The following ZNF737 variants were observed in gnomAD, a reference collection of about 807,000 sequenced individuals.
The protein encoded by ZNF737 is zinc finger protein 737, also known as zinc finger protein 102 (Y3).
A neutral mutation model predicts 11.7 loss-of-function variants in ZNF737; 13 were observed. The ratio of observed to expected loss-of-function variants is 1.11; its 90% CI spans 0.73 to 1.77. The LOEUF is 1.77. Ranked by LOEUF, ZNF737 falls within the 40% of genes most tolerant of loss-of-function variation. The pLI is 0.00. For synonymous variants in ZNF737, 217 were observed against 216.2 expected (o/e 1.00, Z -0.03); for missense variants, 636 against 638.0 (o/e 1.00, Z 0.03).
In ZNF737 at chr19:20,539,413, C is replaced by G; in HGVS notation, c.*5179G>C. Reference sequence around the variant, plus strand: ...CAAAAGGTCAAAAACAATCATTGAGCAAAGCTTAAATCTTGCCTTTGTTTC... The same window carrying G: ...CAAAAGGTCAAAAACAATCATTGAGGAAAGCTTAAATCTTGCCTTTGTTTC... On this transcript the variant is annotated 3_prime_UTR_variant, in exon 4 of 4. Coordinates refer to ENST00000427401, the MANE Select transcript of ZNF737 (RefSeq NM_001159293.2). The G allele has an allele frequency of 1.0e-6, 1 of 985,402 alleles. No individual in the cohort carries two copies. Among genetic ancestry groups the G allele is most frequent in the Non-Finnish European group, 1.2e-6 (1 of 829,912 alleles). The allele number at this position is 985,402 out of a possible 1,614,324, so 61.0% of individuals were successfully genotyped here. A position where few individuals can be genotyped will look rare whatever the true frequency, so the allele number is the denominator to read the frequency against.
rs114169764 is a variant in ZNF737, at chr19:20,542,176, G to C, written c.*2416C>G. 3.0e-6 allele frequency: 3 copies of C among 984,554 alleles called. No homozygotes were observed. The highest frequency in any genetic ancestry group is 1.2e-6 in the Non-Finnish European group (1 of 829,434). 61.0% of individuals were successfully genotyped at this position (984,554 alleles called of 1,614,324 possible). On this transcript the variant is annotated 3_prime_UTR_variant, in exon 4 of 4. Transcript: ENST00000427401. ...CACAATAATGGTTCATTAAACGCACGGTAGTCTTACCATGGTAAAAATAAA... is the reference window on the plus strand; with the variant it reads ...CACAATAATGGTTCATTAAACGCACCGTAGTCTTACCATGGTAAAAATAAA...
At position 20,541,269 on chromosome 19, in the gene ZNF737, ACACT is replaced by A. The variant is rs1484689569; in HGVS notation, c.*3319_*3322del. 16 of 984,662 alleles carry A rather than the reference ACACT, an allele frequency of 1.6e-5. 1 individual carries two copies. The highest frequency in any genetic ancestry group is 3.5e-5 in the African/African-American group (2 of 57,348). The allele number at this position is 984,662 out of a possible 1,614,324, so 61.0% of individuals were successfully genotyped here. On this transcript the variant is annotated 3_prime_UTR_variant, in exon 4 of 4. Coordinates refer to ENST00000427401, the MANE Select transcript of ZNF737 (RefSeq NM_001159293.2). The stretch of plus-strand genomic sequence containing the variant: ...TGTACAAACCTATACTCACACAAAA[ACACT>A]CAATTCATAATTTTCTTACACCTCA...
rs1350416491 is a variant in ZNF737, at chr19:20,543,930, C to A, written c.*662G>T. ...ATCACCTGAGGTCAGGAGTTCGAGACCAGCCTGGCAAACATGGCGAAGTCG... is the reference window on the plus strand; with the variant it reads ...ATCACCTGAGGTCAGGAGTTCGAGAACAGCCTGGCAAACATGGCGAAGTCG... On this transcript the variant is annotated 3_prime_UTR_variant, in exon 4 of 4. Transcript: ENST00000427401. The A allele has an allele frequency of 2.5e-6, 2 of 791,988 alleles. No individual in the cohort carries two copies. The highest frequency in any genetic ancestry group is 1.9e-5 in the African/African-American group (1 of 52,790). 49.1% of individuals were successfully genotyped at this position (791,988 alleles called of 1,614,324 possible).
intron 1 of ZNF737, among the ~76,000 whole-genome samples, chr19:20,556,918 C>CTAA (rs1196870409): frequency 2.0e-5 from 3 of 152,122 alleles, no homozygotes; most frequent in East Asian, 3.8e-4. Flanking sequence ...GGAGCTGGTA[C>CTAA]TAAGGGTTTA....
chr19:20,537,927 A>T, downstream of ZNF737: 1 of 345,396 alleles, frequency 2.9e-6, no homozygotes, highest in Non-Finnish European at 4.1e-6. Context: ...GAATATTAAA[A>T]TTTTTCATGA....
Position 20,541,327 on chromosome 19 carries a change from T to A in ZNF737, c.*3265A>T, listed in dbSNP as rs181218816. 162 of 983,532 alleles carry A rather than the reference T, an allele frequency of 1.6e-4. 1 individual carries two copies. Among genetic ancestry groups the A allele is most frequent in the East Asian group, 2.3e-4 (2 of 8,808 alleles). The allele number at this position is 983,532 out of a possible 1,614,324, so 60.9% of individuals were successfully genotyped here. A position where few individuals can be genotyped will look rare whatever the true frequency, so the allele number is the denominator to read the frequency against. On this transcript the variant is annotated 3_prime_UTR_variant, in exon 4 of 4. Transcript: ENST00000427401. ...TTATCTTCAGAGTAATATGTGTATA[T>A]TTAACTCTATGTAAATTAAAACTAA... is the stretch of plus-strand genomic sequence containing the variant.
chr19:20,538,436 T>C lies in ZNF737; in HGVS notation c.*6156A>G, dbSNP rs1162863341. 6.6e-6 allele frequency among the ~76,000 whole-genome samples: 1 copy of C among 152,204 alleles called. No individual in the cohort carries two copies. Among genetic ancestry groups the C allele is most frequent in the Non-Finnish European group, 1.5e-5 (1 of 68,050 alleles). On this transcript the variant is annotated 3_prime_UTR_variant, in exon 4 of 4. Coordinates refer to ENST00000427401, the MANE Select transcript of ZNF737 (RefSeq NM_001159293.2). ...TCTAAGTTGCTAAACAATTGGGACA[T>C]ACAGAATGTGAGGTCCCATTCCAGC...
At chr19:20,553,586 T>G (rs1555759396) in intron 2 of ZNF737, 123 bp downstream of exon 2, 1 of 1,074,422 alleles carries the variant, frequency 9.3e-7, no homozygotes, top group Non-Finnish European at 1.3e-6. Flanking sequence ...ATTCTGAAGA[T>G]TTTCTTGAAA....
chr19:20,544,619 C>T lies in ZNF737; in HGVS notation c.1584G>A (p.Lys528=), dbSNP rs1968351221. 1.2e-6 allele frequency: 2 copies of T among 1,607,722 alleles called. No individual in the cohort carries two copies. Among genetic ancestry groups the T allele is most frequent in the African/African-American group, 1.3e-5 (1 of 74,746 alleles). The part of the protein sequence containing the change: ...FKCPSTLTTH[K]VIHTGEKL Reference sequence around the variant, plus strand: ...ATAGTTTCTCTCCAGTATGAATTACCTTATGTGTAGTAAGGGTAGAGGGGC... The same window carrying T: ...ATAGTTTCTCTCCAGTATGAATTACTTTATGTGTAGTAAGGGTAGAGGGGC... The change falls in exon 4 of 4, where the codon AAG becomes AAA. Residue 528 remains lysine (K), a synonymous_variant. Transcript: ENST00000427401.
intron 1 of ZNF737, among the ~76,000 whole-genome samples, chr19:20,563,172 C>A (rs1373699812): frequency 3.4e-5 from 5 of 146,600 alleles, no homozygotes; most frequent in African/African-American, 1.3e-4. Context: ...CTCTAAGTTT[C>A]CTTTCATCTT....
chr19:20,545,030 A>G lies in ZNF737; in HGVS notation c.1173T>C (p.His391=). 1.2e-6 allele frequency: 2 copies of G among 1,613,866 alleles called. No homozygotes were observed. The highest frequency in any genetic ancestry group is 2.2e-5 in the South Asian group (2 of 91,042). ...CACATTTGTAGGGTTTCTCTCCAGT[A>G]TGAATTCTCTTATGTGTAGTAAGGT... ...SSHLTTHKRI[H]TGEKPYKCEE... The change falls in exon 4 of 4, where the codon CAT becomes CAC. Residue 391 remains histidine, a synonymous_variant. Coordinates refer to ENST00000427401, the MANE Select transcript of ZNF737 (RefSeq NM_001159293.2).
chr19:20,563,090 AAATT>A (rs1174293211), intron 1 of ZNF737, among the ~76,000 whole-genome samples: 5 of 149,308 alleles, frequency 3.3e-5, no homozygotes, highest in South Asian at 2.1e-4. Context: ...TTTTTAACAT[AAATT>A]AATATTTTTT....
At chr19:20,555,214 ACT>A (rs1555760520) in intron 1 of ZNF737, among the ~76,000 whole-genome samples, 1 of 134,186 alleles carries the variant, frequency 7.5e-6, no homozygotes, top group African/African-American at 2.9e-5. Flanking sequence ...ATGGAAAATC[ACT>A]CTGTTGCCCA....
intron 3 of ZNF737, 77 bp downstream of exon 3, chr19:20,552,398 T>C: frequency 9.5e-7 from 1 of 1,051,040 alleles, no homozygotes. Context: ...AAATCACACT[T>C]TAAGGACTGG....
downstream of ZNF737, among the ~76,000 whole-genome samples, chr19:20,534,132 G>A (rs572185640): frequency 6.7e-5 from 10 of 150,266 alleles, 1 homozygote; most frequent in South Asian, 2.2e-3. Context: ...TCTAAGCTGA[G>A]TTAATTGATT....
In ZNF737 at chr19:20,541,954, T is replaced by C. The variant is rs1386253267; in HGVS notation, c.*2638A>G. 1 of 894,630 alleles carries C rather than the reference T, an allele frequency of 1.1e-6. No individual in the cohort carries two copies. The highest frequency in any genetic ancestry group is 1.3e-6 in the Non-Finnish European group (1 of 747,976). The allele number at this position is 894,630 out of a possible 1,614,324, so 55.4% of individuals were successfully genotyped here. The stretch of plus-strand genomic sequence containing the variant: ...TATAAGGCATAAATATATACACATA[T>C]TATATACCCACGAATACAAATAAAA... On this transcript the variant is annotated 3_prime_UTR_variant, in exon 4 of 4. Transcript: ENST00000427401.
In ZNF737 at chr19:20,538,004, C is replaced by G. The variant is rs1358621407; in HGVS notation, c.*6588G>C. 3 of 949,584 alleles carry G rather than the reference C, an allele frequency of 3.2e-6. No individual in the cohort carries two copies. The African/African-American group carries it at 5.3e-5, about 17-fold the overall frequency. The allele number at this position is 949,584 out of a possible 1,614,324, so 58.8% of individuals were successfully genotyped here. A position where few individuals can be genotyped will look rare whatever the true frequency, so the allele number is the denominator to read the frequency against. ...TTCTGAGGCAGAGTAAGATTTATAA[C>G]ATTTTATTATCATATGGAAGAAGTG... On this transcript the variant is annotated 3_prime_UTR_variant, in exon 4 of 4. Transcript: ENST00000427401.
In ZNF737 at chr19:20,543,204, G is replaced by GAA. The variant is rs146092302; in HGVS notation, c.*1387_*1388insTT. The stretch of plus-strand genomic sequence containing the variant: ...TTGTTTTCTAAGCTGTAGTTTCTGG[G>GAA]GAAAAAAAAGTGTTTCTAAACTTAA... On this transcript the variant is annotated 3_prime_UTR_variant, in exon 4 of 4. Coordinates refer to ENST00000427401, the MANE Select transcript of ZNF737 (RefSeq NM_001159293.2). The GAA allele has an allele frequency of 4.1e-5, 40 of 983,614 alleles. No homozygotes were observed. Among genetic ancestry groups the GAA allele is most frequent in the Middle Eastern group, 5.2e-4 (1 of 1,932 alleles). 60.9% of individuals were successfully genotyped at this position (983,614 alleles called of 1,614,324 possible). A position where few individuals can be genotyped will look rare whatever the true frequency, so the allele number is the denominator to read the frequency against.
Position 20,541,013 on chromosome 19 carries a change from C to T in ZNF737, c.*3579G>A, listed in dbSNP as rs1290091402. The T allele has an allele frequency of 2.0e-6, 2 of 984,750 alleles. No individual in the cohort carries two copies. Among genetic ancestry groups the T allele is most frequent in the Non-Finnish European group, 2.4e-6 (2 of 829,680 alleles). 61.0% of individuals were successfully genotyped at this position (984,750 alleles called of 1,614,324 possible). The stretch of plus-strand genomic sequence containing the variant: ...ATTTTTTTTTCCTGTTTTAAGAGGG[C>T]TTTTATTATTGTACTCAAGAGAGTT... On this transcript the variant is annotated 3_prime_UTR_variant, in exon 4 of 4. Transcript: ENST00000427401.
Sources: gnomAD v4.1 joint callset for allele counts (sites outside exome capture counted in the v4.1 genomes callset) on GRCh38, gnomAD v4.1.1 for gene constraint, MANE v1.5 for transcripts, NCBI Gene and HGNC (gene_info 2026-07-23, HGNC 2026-07-21) for gene names.